KTN1: variants seen among roughly 807,000 people sequenced by gnomAD.
KTN1 encodes kinectin 1.
A neutral mutation model predicts 222.5 loss-of-function variants in KTN1; 130 were observed. That is an observed-to-expected ratio of 0.58 (90% CI 0.51 to 0.68). The LOEUF (loss-of-function observed/expected upper bound fraction) is 0.68. Ranked by LOEUF, KTN1 falls within the 30% of genes least tolerant of loss-of-function variation. KTN1 has a pLI of 0.00. For missense variants in KTN1, 1,508 were observed against 1,500.4 expected (o/e 1.01, Z -0.08); for synonymous variants, 512 against 496.3 (o/e 1.03, Z -0.42).
At position 55,619,062 on chromosome 14, in the gene KTN1, C is replaced by A. The variant is rs575841474; in HGVS notation, c.833-120C>A. 194 of 706,892 alleles carry A rather than the reference C, an allele frequency of 2.7e-4. No homozygotes were observed. In the African/African-American group the frequency reaches 3.3e-3, roughly 12 times the overall value. The allele number at this position is 706,892 out of a possible 1,614,324, so 43.8% of individuals were successfully genotyped here. ...GTTTTATTTAACCTGAAGTATATATCTGTTTTCTTTCGGTTATTGACTTTC... is the reference window on the plus strand; with the variant it reads ...GTTTTATTTAACCTGAAGTATATATATGTTTTCTTTCGGTTATTGACTTTC... On this transcript the variant is annotated intron_variant, in intron 4 of 43. Coordinates refer to ENST00000395314, the MANE Select transcript of KTN1 (RefSeq NM_001079521.2).
chr14:55,668,657 A>G (rs1342459430), intron 34 of KTN1: 1 of 152,118 alleles, frequency 6.6e-6, no homozygotes, highest in Non-Finnish European at 1.5e-5. Context: ...GTTTGTTACC[A>G]AGTCGTTTTG....
rs1041251349 is a variant in KTN1, at chr14:55,644,413, G to T, written c.2173-2560G>T. The T allele has an allele frequency of 7.1e-6, 5 of 702,374 alleles. No homozygotes were observed. In the Admixed American group the frequency reaches 8.0e-5, roughly 11 times the overall value. 43.5% of individuals were successfully genotyped at this position (702,374 alleles called of 1,614,324 possible). A position where few individuals can be genotyped will look rare whatever the true frequency, so the allele number is the denominator to read the frequency against. Reference sequence around the variant, plus strand: ...TGGTGCCAAGTTGTTGTTTCTTCAGGTGTAGGAAGCAGAAAGACAACAGGT... The same window carrying T: ...TGGTGCCAAGTTGTTGTTTCTTCAGTTGTAGGAAGCAGAAAGACAACAGGT... On this transcript the variant is annotated intron_variant, in intron 18 of 43. Coordinates refer to ENST00000395314, the MANE Select transcript of KTN1 (RefSeq NM_001079521.2).
intron 1 of KTN1, among the ~76,000 whole-genome samples, chr14:55,610,593 G>C (rs1227915224): frequency 6.6e-6 from 1 of 152,158 alleles, no homozygotes; most frequent in Non-Finnish European, 1.5e-5. Flanking sequence ...AAAATTCTCA[G>C]ATTTATTTTT....
chr14:55,658,619 G>A lies in KTN1; in HGVS notation c.2961+5G>A, dbSNP rs374812340. ...AAACAACAAAACTACCAACAGGTAGGTATTATTAGATGTCTTGCCTTTCAC... is the reference window on the plus strand; with the variant it reads ...AAACAACAAAACTACCAACAGGTAGATATTATTAGATGTCTTGCCTTTCAC... On this transcript the variant is annotated splice_donor_5th_base_variant and intron_variant, in intron 30 of 43. Coordinates refer to ENST00000395314, the MANE Select transcript of KTN1 (RefSeq NM_001079521.2). 203 of 1,587,594 alleles carry A rather than the reference G, an allele frequency of 1.3e-4. No homozygotes were observed. Among genetic ancestry groups the A allele is most frequent in the Non-Finnish European group, 1.6e-4 (185 of 1,160,516 alleles).
intron 2 of KTN1, among the ~76,000 whole-genome samples, 161 bp from the exon 3 acceptor site, chr14:55,616,356 T>TAGTGG (rs1009730730): frequency 2.0e-5 from 3 of 152,098 alleles, no homozygotes; most frequent in Non-Finnish European, 2.9e-5. Context: ...AGAGCTGGTG[T>TAGTGG]AGTGGAGTAA....
chr14:55,637,753 C>G (rs200528787), intron 11 of KTN1, 26 bp from the exon 12 acceptor site: 19 of 1,560,284 alleles, frequency 1.2e-5, no homozygotes, highest in Non-Finnish European at 1.4e-5. Flanking sequence ...CATGCTTTTT[C>G]TCTTTTTGGT....
chr14:55,681,301 TATAAG>T (rs1595356843), intron 43 of KTN1: 1 of 152,538 alleles, frequency 6.6e-6, no homozygotes, highest in Admixed American at 6.5e-5. Context: ...ACCTTTGTCT[TATAAG>T]GGAAGGGTTT....
chr14:55,679,507 G>T, intron 42 of KTN1, 58 bp from the exon 43 acceptor site: 1 of 1,437,032 alleles, frequency 7.0e-7, no homozygotes. Context: ...CTGTTGTTTG[G>T]TTTTACATTT....
rs1477906317 is a variant in KTN1, at chr14:55,660,756, CATGTGT to C, written c.3000-763_3000-758del. Among the ~76,000 whole-genome samples, 3 of 152,062 alleles carry C rather than the reference CATGTGT, an allele frequency of 2.0e-5. No homozygotes were observed. The East Asian group carries it at 5.8e-4, about 29-fold the overall frequency. On this transcript the variant is annotated intron_variant, in intron 31 of 43. Coordinates refer to ENST00000395314, the MANE Select transcript of KTN1 (RefSeq NM_001079521.2). ...GTGGGACCCATAGGTCTGTTTTATA[CATGTGT>C]ATATATATGTGTATATGTGTGTACA...
intron 37 of KTN1, 148 bp downstream of exon 37, chr14:55,672,025 A>T: frequency 1.6e-6 from 1 of 617,994 alleles, no homozygotes; most frequent in African/African-American, 1.9e-5. Flanking sequence ...CTGTGTTTTC[A>T]TGAGCCCTCC....
intron 6 of KTN1, among the ~76,000 whole-genome samples, chr14:55,629,695 C>G (rs1037498183): frequency 2.6e-5 from 4 of 152,142 alleles, no homozygotes; most frequent in African/African-American, 9.7e-5. Context: ...GTCTTTAACT[C>G]ATAATAAACT....
chr14:55,648,986 T>G, intron 21 of KTN1, 116 bp downstream of exon 21: 3 of 693,630 alleles, frequency 4.3e-6, no homozygotes, highest in Non-Finnish European at 7.5e-6. Flanking sequence ...AGTGCAGTGG[T>G]ACAATCATAA....
rs2042572377 is a variant in KTN1 at position 55,648,067 on chromosome 14, A to G, written c.2250A>G (p.Leu750=). 1 of 1,566,940 alleles carries G rather than the reference A, an allele frequency of 6.4e-7. No individual in the cohort carries two copies. Among genetic ancestry groups the G allele is most frequent in the South Asian group, 1.2e-5 (1 of 83,000 alleles). Residue 750 remains leucine, a synonymous_variant, in exon 20 of 44, where the codon TTA becomes TTG. Transcript: ENST00000395314. ...AGAAGTTAAAGACTGTGGAAGAATTACTTGAAACTGGACTTATTCAGGTGG... is the reference window on the plus strand; with the variant it reads ...AGAAGTTAAAGACTGTGGAAGAATTGCTTGAAACTGGACTTATTCAGGTGG... The part of the protein sequence containing the change: ...KDEKLKTVEE[L]LETGLIQVAT...
intron 18 of KTN1, among the ~76,000 whole-genome samples, chr14:55,645,056 T>C (rs371144641): frequency 1.3e-5 from 2 of 152,276 alleles, no homozygotes; most frequent in African/African-American, 4.8e-5. Context: ...CAGAAAGTTA[T>C]GGTGAATGAA....
intron 1 of KTN1, among the ~76,000 whole-genome samples, chr14:55,592,618 T>C (rs1167319219): frequency 6.6e-6 from 1 of 152,196 alleles, no homozygotes; most frequent in Non-Finnish European, 1.5e-5. Context: ...TGTAGGAGTG[T>C]TTTGAAAAAG....
chr14:55,595,219 G>T, intron 1 of KTN1, among the ~76,000 whole-genome samples: 1 of 152,176 alleles, frequency 6.6e-6, no homozygotes, highest in South Asian at 2.1e-4. Flanking sequence ...AAAACATTGA[G>T]TCTGAAATCA....
chr14:55,684,408 T>A lies in KTN1; in HGVS notation c.*305T>A. ...AATAAAATTGTTCAGAAGATCAAAG[T>A]GGTAAAGACAATGTAAAATTTAACA... On this transcript the variant is annotated 3_prime_UTR_variant, in exon 44 of 44. Coordinates refer to ENST00000395314, the MANE Select transcript of KTN1 (RefSeq NM_001079521.2). The A allele has an allele frequency of 3.5e-6, 1 of 287,058 alleles. No individual in the cohort carries two copies. Among genetic ancestry groups the A allele is most frequent in the Non-Finnish European group, 6.5e-6 (1 of 154,798 alleles). 17.8% of individuals were successfully genotyped at this position (287,058 alleles called of 1,614,324 possible). A position where few individuals can be genotyped will look rare whatever the true frequency, so the allele number is the denominator to read the frequency against.
intron 13 of KTN1, 41 bp from the exon 14 acceptor site, chr14:55,639,872 C>T (rs1199439611): frequency 8.0e-7 from 1 of 1,254,694 alleles, no homozygotes; most frequent in Non-Finnish European, 1.2e-6. Context: ...TTTGTGACTT[C>T]TGAATGTTTA....
intron 12 of KTN1, among the ~76,000 whole-genome samples, chr14:55,638,166 A>C (rs1349206726): frequency 6.6e-6 from 1 of 151,994 alleles, no homozygotes; most frequent in Non-Finnish European, 1.5e-5. Context: ...TATGTATTAC[A>C]GATGTTCATT....
Sources: allele counts gnomAD v4.1 joint callset (sites outside exome capture counted in the v4.1 genomes callset), GRCh38; gene constraint gnomAD v4.1.1; transcripts MANE v1.5; gene names NCBI Gene and HGNC (gene_info 2026-07-23, HGNC 2026-07-21).